The following SBF2 variants were observed in gnomAD, a reference collection of about 807,000 sequenced individuals.
SBF2 encodes SET binding factor 2, also known as myotubularin-related protein 13.
SBF2 carries 112 observed loss-of-function variants against 225.2 expected under a neutral mutation model. That is an observed-to-expected ratio of 0.50 (90% CI 0.43 to 0.58). The LOEUF (loss-of-function observed/expected upper bound fraction) is 0.58. Ranked by LOEUF, SBF2 falls within the 20% of genes least tolerant of loss-of-function variation. The pLI, the probability that SBF2 is intolerant of heterozygous loss-of-function variation, is 0.00. For missense variants in SBF2, 1,996 were observed against 2,206.2 expected (o/e 0.90, Z 1.91); for synonymous variants, 763 against 773.3 (o/e 0.99, Z 0.22).
At chr11:10,010,664 G>C (rs926811087) in intron 6 of SBF2, among the ~76,000 whole-genome samples, 1 of 152,188 alleles carries the variant, frequency 6.6e-6, no homozygotes, top group Admixed American at 6.5e-5. Context: ...TTTGAGGTCA[G>C]GTAGCATGAT....
intron 2 of SBF2, among the ~76,000 whole-genome samples, chr11:10,183,325 T>C (rs16907554): frequency 0.095 from 14,487 of 152,084 alleles, 943 homozygotes; most frequent in East Asian, 0.29. Flanking sequence ...CCAAGTAGCA[T>C]CCAAAGATTC....
intron 26 of SBF2, among the ~76,000 whole-genome samples, chr11:9,835,390 G>A (rs1489626933): frequency 2.0e-5 from 3 of 151,942 alleles, no homozygotes; most frequent in African/African-American, 7.3e-5. Context: ...AGGCCCAGCT[G>A]GGAGGATGGC....
chr11:9,952,430 C>T (rs927220014), intron 16 of SBF2, among the ~76,000 whole-genome samples: 4 of 152,144 alleles, frequency 2.6e-5, no homozygotes, highest in Admixed American at 6.6e-5. Context: ...TCCTTCTGCT[C>T]GCAGAGATAC....
intron 2 of SBF2, among the ~76,000 whole-genome samples, chr11:10,169,706 T>C (rs1485519452): frequency 1.3e-5 from 2 of 152,180 alleles, no homozygotes; most frequent in Non-Finnish European, 1.5e-5. Context: ...AGCAGTGGAA[T>C]TGCTAGATCA....
At chr11:10,287,438 C>A (rs981336367) in intron 1 of SBF2, among the ~76,000 whole-genome samples, 1 of 152,010 alleles carries the variant, frequency 6.6e-6, no homozygotes, top group Non-Finnish European at 1.5e-5. Context: ...TGTGTCACCA[C>A]GCCAGGCTAT....
Position 10,228,631 on chromosome 11 carries a change from T to C in SBF2, c.56-34644A>G, listed in dbSNP as rs547946821. On this transcript the variant is annotated intron_variant, in intron 1 of 39. Transcript: ENST00000256190. ...ATATGCTGGATTACATTTATTGATT[T>C]TGGCATGTTGAACCAGCCTTGTATC... Among the ~76,000 whole-genome samples the C allele has an allele frequency of 7.2e-5, 11 of 152,356 alleles. No homozygotes were observed. The South Asian group carries it at 1.0e-3, about 14-fold the overall frequency.
chr11:9,938,107 C>G (rs1025255193), intron 16 of SBF2, among the ~76,000 whole-genome samples: 1 of 151,820 alleles, frequency 6.6e-6, no homozygotes, highest in Non-Finnish European at 1.5e-5. Context: ...CTGGTTAACA[C>G]AGTGAAACCC....
chr11:9,898,835 T>C (rs1861486234), intron 16 of SBF2, among the ~76,000 whole-genome samples: 1 of 152,012 alleles, frequency 6.6e-6, no homozygotes, highest in African/African-American at 2.4e-5. Flanking sequence ...TAAACATTTA[T>C]TGGAGAAATG....
At chr11:10,184,705 C>T (rs976778932) in intron 2 of SBF2, among the ~76,000 whole-genome samples, 2 of 152,098 alleles carry the variant, frequency 1.3e-5, no homozygotes, top group African/African-American at 4.8e-5. Context: ...TGAAATCACA[C>T]AGTATTTTGT....
intron 1 of SBF2, among the ~76,000 whole-genome samples, chr11:10,196,434 C>T (rs1245107957): frequency 6.6e-6 from 1 of 152,112 alleles, no homozygotes; most frequent in Non-Finnish European, 1.5e-5. Context: ...GACTGGAGTT[C>T]AGTGGCACAA....
At chr11:10,097,329 A>G (rs1161533642) in intron 2 of SBF2, among the ~76,000 whole-genome samples, 1 of 152,176 alleles carries the variant, frequency 6.6e-6, no homozygotes, top group Non-Finnish European at 1.5e-5. Flanking sequence ...ATAAATATCT[A>G]TTCTTTATAA....
At chr11:9,980,655 C>T (rs1331027829) in intron 13 of SBF2, among the ~76,000 whole-genome samples, 2 of 151,428 alleles carry the variant, frequency 1.3e-5, no homozygotes, top group African/African-American at 4.9e-5. Context: ...GGCGAGATCT[C>T]GGCTTACTGC....
chr11:10,131,721 A>C (rs956382088), intron 2 of SBF2, among the ~76,000 whole-genome samples: 6 of 152,176 alleles, frequency 3.9e-5, no homozygotes, highest in Admixed American at 2.6e-4. Flanking sequence ...GATTACAGGC[A>C]TGAGCCACCA....
chr11:9,976,575 T>C (rs549436615), intron 13 of SBF2, among the ~76,000 whole-genome samples: 6 of 152,032 alleles, frequency 3.9e-5, no homozygotes, highest in African/African-American at 1.4e-4. Flanking sequence ...GCCACTGTAC[T>C]TCAGCCTGGG....
intron 1 of SBF2, among the ~76,000 whole-genome samples, chr11:10,194,958 T>A (rs1447625687): frequency 2.0e-5 from 3 of 152,160 alleles, no homozygotes; most frequent in Non-Finnish European, 4.4e-5. Flanking sequence ...TAAGAAGAAC[T>A]TTTCTATGGA....
At chr11:10,068,369 C>G (rs1470807349) in intron 2 of SBF2, among the ~76,000 whole-genome samples, 1 of 152,144 alleles carries the variant, frequency 6.6e-6, no homozygotes, top group Non-Finnish European at 1.5e-5. Context: ...GCTAAGGGTC[C>G]TACATACCAC....
intron 2 of SBF2, among the ~76,000 whole-genome samples, chr11:10,061,413 C>G (rs1046249535): frequency 6.6e-6 from 1 of 152,180 alleles, no homozygotes; most frequent in African/African-American, 2.4e-5. Flanking sequence ...TATCTGTTTG[C>G]AGATGACATG....
intron 2 of SBF2, among the ~76,000 whole-genome samples, chr11:10,169,540 A>G (rs1956105955): frequency 6.6e-6 from 1 of 152,136 alleles, no homozygotes; most frequent in Non-Finnish European, 1.5e-5. Context: ...AGAATACTCC[A>G]TTGTGTATAT....
chr11:9,912,284 A>G (rs1307339147), intron 16 of SBF2, among the ~76,000 whole-genome samples: 2 of 117,530 alleles, frequency 1.7e-5, no homozygotes, highest in Non-Finnish European at 3.5e-5. Context: ...TGCACTCTAT[A>G]AATTTTTTTT....
Sources: gnomAD v4.1 joint callset for allele counts (sites outside exome capture counted in the v4.1 genomes callset) on GRCh38, gnomAD v4.1.1 for gene constraint, MANE v1.5 for transcripts, NCBI Gene and HGNC (gene_info 2026-07-23, HGNC 2026-07-21) for gene names.